SEMA7A: variants seen among roughly 807,000 people sequenced by gnomAD.
SEMA7A encodes the protein semaphorin 7A (JohnMiltonHagen blood group).
SEMA7A carries 21 observed loss-of-function variants against 67.5 expected under a neutral mutation model. The ratio of observed to expected loss-of-function variants is 0.31; its 90% CI spans 0.22 to 0.45. The LOEUF is 0.45. Among genes scored for constraint, SEMA7A ranks in the 20% least tolerant of loss-of-function variants. The pLI, the probability that SEMA7A is intolerant of heterozygous loss-of-function variation, is 1.00. For missense variants in SEMA7A, 774 were observed against 908.6 expected (o/e 0.85, Z 1.90); for synonymous variants, 364 against 368.5 (o/e 0.99, Z 0.14).
chr15:74,418,250 ACCCC>A lies in SEMA7A; in HGVS notation c.372+14_372+17del. 5 of 1,610,076 alleles carry A rather than the reference ACCCC, an allele frequency of 3.1e-6. No individual in the cohort carries two copies. The highest frequency in any genetic ancestry group is 4.2e-6 in the Non-Finnish European group (5 of 1,178,110). On this transcript the variant is annotated intron_variant, in intron 3 of 13. Transcript: ENST00000261918. Reference sequence around the variant, plus strand: ...TACCAAGTGGCTCAGACCCCTCCATACCCCCTCCCCCACTCACCCGCTTATCCAG... The same window carrying A: ...TACCAAGTGGCTCAGACCCCTCCATACTCCCCCACTCACCCGCTTATCCAG...
intron 1 of SEMA7A, among the ~76,000 whole-genome samples, chr15:74,419,216 C>T (rs1423308809): frequency 2.6e-5 from 4 of 152,202 alleles, no homozygotes; most frequent in Non-Finnish European, 5.9e-5. Flanking sequence ...CCTTCCTTCA[C>T]AGTATGTGTG....
intron 6 of SEMA7A, 53 bp from the exon 7 acceptor site, chr15:74,416,767 C>T (rs186883679): frequency 6.3e-7 from 1 of 1,588,048 alleles, no homozygotes; most frequent in East Asian, 2.2e-5. Flanking sequence ...GCCCGGGAGA[C>T]CATCCCAACC....
At chr15:74,417,786 G>A in intron 4 of SEMA7A, 91 bp downstream of exon 4, 1 of 1,547,616 alleles carries the variant, frequency 6.5e-7, no homozygotes, top group South Asian at 1.1e-5. Flanking sequence ...GGCCAGCATT[G>A]GAGTCTCGCC....
rs974356410 is a variant in SEMA7A at position 74,421,146 on chromosome 15, T to C, written c.179-2194A>G. ...AGGAAAACAGTCCTGCCCTGGGGAG[T>C]CGAGCCTGATGGCAGAGACATGACT... On this transcript the variant is annotated intron_variant, in intron 1 of 13. Coordinates refer to ENST00000261918, the MANE Select transcript of SEMA7A (RefSeq NM_003612.5). 6.6e-5 allele frequency among the ~76,000 whole-genome samples: 10 copies of C among 151,892 alleles called. No individual in the cohort carries two copies. The East Asian group carries it at 1.7e-3, about 27-fold the overall frequency.
chr15:74,417,781 G>C (rs535164102), intron 4 of SEMA7A, 96 bp downstream of exon 4: 8 of 1,546,184 alleles, frequency 5.2e-6, no homozygotes, highest in Non-Finnish European at 7.1e-6. Flanking sequence ...GGCAAGGCCA[G>C]CATTGGAGTC....
At position 74,418,894 on chromosome 15, in the gene SEMA7A, G is replaced by A; in HGVS notation, c.237C>T (p.Phe79=). ...FGQTEPHTVL[F]HEPGSSSVWV... ...ACACAGAGGAGCTGCCTGGCTCGTG[G>A]AAAAGCACCGTGTGCGGCTCAGTCT... The change falls in exon 2 of 14, where the codon TTC becomes TTT. Residue 79 remains phenylalanine, a synonymous_variant. Transcript: ENST00000261918. 1 of 1,613,844 alleles carries A rather than the reference G, an allele frequency of 6.2e-7. No homozygotes were observed. The highest frequency in any genetic ancestry group is 8.5e-7 in the Non-Finnish European group (1 of 1,180,020).
In SEMA7A at chr15:74,423,131, C is replaced by T. The variant is rs565058475; in HGVS notation, c.179-4179G>A. Among the ~76,000 whole-genome samples, 2 of 152,220 alleles carry T rather than the reference C, an allele frequency of 1.3e-5. No individual in the cohort carries two copies. The highest frequency in any genetic ancestry group is 2.9e-5 in the Non-Finnish European group (2 of 68,040). ...TGCCTAAGTCAGGCAGTCAGAGAGG[C>T]CCCGGGCCAAAGAGCAGAAAGCAGG... On this transcript the variant is annotated intron_variant, in intron 1 of 13. Transcript: ENST00000261918. This position sits in a 1 kb window ranked among gnomAD's most constrained non-coding sequence, Gnocchi z 4.1.
chr15:74,411,925 C>T lies in SEMA7A; in HGVS notation c.1382G>A (p.Arg461His), dbSNP rs376631054. ...FNIMEIQPFR[R>H]AAAIQTMSLD... ...CGACATGGTCTGGATGGCAGCCGCGCGGCGGAAGGGCTGGATCTCCATGAT... is the reference window on the plus strand; with the variant it reads ...CGACATGGTCTGGATGGCAGCCGCGTGGCGGAAGGGCTGGATCTCCATGAT... Residue 461 changes from arginine to histidine, a missense_variant, in exon 11 of 14, where the codon CGC (arginine) becomes CAC (histidine). Coordinates refer to ENST00000261918, the MANE Select transcript of SEMA7A (RefSeq NM_003612.5). The surrounding 1 kb of genome is among the most constrained non-coding windows in gnomAD (Gnocchi z 4.4). 57 of 1,613,900 alleles carry T rather than the reference C, an allele frequency of 3.5e-5. No homozygotes were observed. Among genetic ancestry groups the T allele is most frequent in the East Asian group, 4.5e-5 (2 of 44,900 alleles).
chr15:74,418,994 C>T (rs531508997), intron 1 of SEMA7A, 42 bp from the exon 2 acceptor site: 24 of 1,598,202 alleles, frequency 1.5e-5, no homozygotes, highest in South Asian at 2.2e-5. Context: ...AGCCAGGTCC[C>T]GAGAGAGAAG....
Position 74,417,372 on chromosome 15 carries a change from G to C in SEMA7A, c.624C>G (p.Gly208=), listed in dbSNP as rs369347333. ...GKIPRFRRIR[G]ESELYTSDTV... is the part of the protein sequence containing the mutation. ...TATCACTGGTGTACAGCTCACTCTCGCCCCGGATGCGGCGGAACCGAGGGA... is the reference window on the plus strand; with the variant it reads ...TATCACTGGTGTACAGCTCACTCTCCCCCCGGATGCGGCGGAACCGAGGGA... The change falls in exon 6 of 14, where the codon GGC becomes GGG. Residue 208 remains glycine (G), a synonymous_variant. Coordinates refer to ENST00000261918, the MANE Select transcript of SEMA7A (RefSeq NM_003612.5). 9.3e-6 allele frequency: 15 copies of C among 1,613,848 alleles called. No individual in the cohort carries two copies. In the African/African-American group the frequency reaches 1.6e-4, roughly 17 times the overall value.
rs190892291 is a variant in SEMA7A, at chr15:74,414,894, G to A, written c.1039C>T (p.Arg347Cys). 3.3e-5 allele frequency: 54 copies of A among 1,614,182 alleles called. No homozygotes were observed. In the East Asian group the frequency reaches 8.0e-4, roughly 24 times the overall value. The change falls in exon 9 of 14, where the codon CGT becomes TGT. Residue 347 changes from arginine to cysteine, a missense_variant. This residue lies in a region of SEMA7A where 427 missense variants were observed against 555.4 expected (regional missense o/e 0.77). Transcript: ENST00000261918. This position sits in a 1 kb window ranked among gnomAD's most constrained non-coding sequence, Gnocchi z 4.1. ...TGGTAGCCCTTGAGTGAGGAGGTAC[G>A]GAAGACCTTGTCAATGTCACCGAGG... ...YSLGDIDKVF[R>C]TSSLKGYHSS...
At chr15:74,421,435 T>C (rs949430203) in intron 1 of SEMA7A, among the ~76,000 whole-genome samples, 1 of 152,154 alleles carries the variant, frequency 6.6e-6, no homozygotes, top group Middle Eastern at 3.2e-3. Flanking sequence ...CTTCAAACCC[T>C]AGCCACAATG....
At position 74,411,833 on chromosome 15, in the gene SEMA7A, C is replaced by G; in HGVS notation, c.1422+52G>C. ...CAAATCACATGCAAAGGAGCCCTGTCCTCAGCTGCAGTCACTGCATAGCCC... is the reference window on the plus strand; with the variant it reads ...CAAATCACATGCAAAGGAGCCCTGTGCTCAGCTGCAGTCACTGCATAGCCC... On this transcript the variant is annotated intron_variant, in intron 11 of 13. Transcript: ENST00000261918. This position sits in a 1 kb window ranked among gnomAD's most constrained non-coding sequence, Gnocchi z 4.4. The G allele has an allele frequency of 6.2e-7, 1 of 1,608,878 alleles. No individual in the cohort carries two copies. Among genetic ancestry groups the G allele is most frequent in the Non-Finnish European group, 8.5e-7 (1 of 1,177,788 alleles).
rs1269810629 is a variant in SEMA7A, at chr15:74,423,434, C to T, written c.179-4482G>A. Reference sequence around the variant, plus strand: ...AGAGGCTGTACCACCGGCCCAAGGACACAGAGCGAGGGAAGCTCCAAGTTT... The same window carrying T: ...AGAGGCTGTACCACCGGCCCAAGGATACAGAGCGAGGGAAGCTCCAAGTTT... On this transcript the variant is annotated intron_variant, in intron 1 of 13. Transcript: ENST00000261918. The surrounding 1 kb of genome is among the most constrained non-coding windows in gnomAD (Gnocchi z 4.1). 1.3e-5 allele frequency among the ~76,000 whole-genome samples: 2 copies of T among 152,170 alleles called. No individual in the cohort carries two copies. Among genetic ancestry groups the T allele is most frequent in the Admixed American group, 1.3e-4 (2 of 15,284 alleles).
intron 1 of SEMA7A, among the ~76,000 whole-genome samples, chr15:74,421,698 C>T (rs139022402): frequency 2.0e-5 from 3 of 152,176 alleles, no homozygotes; most frequent in African/African-American, 7.2e-5. Context: ...CGGGAAGTGT[C>T]GAGCAGCAGC....
At position 74,411,978 on chromosome 15, in the gene SEMA7A, C is replaced by T; in HGVS notation, c.1329G>A (p.Gly443=). Residue 443 remains glycine, a synonymous_variant, in exon 11 of 14, where the codon GGG becomes GGA. Transcript: ENST00000261918. The surrounding 1 kb of genome is among the most constrained non-coding windows in gnomAD (Gnocchi z 4.4). ...RGTIHKVVEP[G]EQEHSFAFNI... The stretch of plus-strand genomic sequence containing the variant: ...TGAAGGCGAAGCTGTGCTCCTGCTC[C>T]CCCGGTTCCACCACCTTGTGGATAG... 1 of 1,614,026 alleles carries T rather than the reference C, an allele frequency of 6.2e-7. No individual in the cohort carries two copies. The highest frequency in any genetic ancestry group is 8.5e-7 in the Non-Finnish European group (1 of 1,180,032).
intron 1 of SEMA7A, among the ~76,000 whole-genome samples, chr15:74,426,613 A>G (rs1214137009): frequency 6.6e-6 from 1 of 152,224 alleles, no homozygotes; most frequent in Non-Finnish European, 1.5e-5. Context: ...CGCTCAGAAC[A>G]TAAAGTACTC....
chr15:74,419,009 T>C lies in SEMA7A; in HGVS notation c.179-57A>G, dbSNP rs941089344. 8 of 1,575,192 alleles carry C rather than the reference T, an allele frequency of 5.1e-6. No homozygotes were observed. The African/African-American group carries it at 1.1e-4, about 21-fold the overall frequency. ...AGCCAGGTCCCGAGAGAGAAGACTC[T>C]GGGTCCCCTCCACATGGCACACTGG... On this transcript the variant is annotated intron_variant, in intron 1 of 13. Transcript: ENST00000261918.
In SEMA7A at chr15:74,410,886, T is replaced by C. The variant is rs561825331; in HGVS notation, c.1739A>G (p.Lys580Arg). The C allele has an allele frequency of 1.9e-6, 3 of 1,614,156 alleles. No individual in the cohort carries two copies. Among genetic ancestry groups the C allele is most frequent in the East Asian group, 2.2e-5 (1 of 44,878 alleles). The change falls in exon 14 of 14, where the codon AAG becomes AGG. Residue 580 changes from lysine (K) to arginine (R), a missense_variant. By Grantham distance (26) the Lys-to-Arg change is conservative. Around this residue, in one of 2 missense-constraint regions of SEMA7A, gnomAD observed 427 missense variants for 555.4 expected, o/e 0.77. Transcript: ENST00000261918. This position sits in a 1 kb window ranked among gnomAD's most constrained non-coding sequence, Gnocchi z 7.5. The stretch of plus-strand genomic sequence containing the variant: ...TTCGCAGCTCTGCTCCACGTTCTCC[T>C]TGTGGCGCCATGAGTAGGTGGCGTG... ...SRHATYSWRHKENVEQSCEPG... is the reference protein window; with the variant it reads ...SRHATYSWRHRENVEQSCEPG...
Sources: gnomAD v4.1 joint callset for allele counts (sites outside exome capture counted in the v4.1 genomes callset) on GRCh38, gnomAD v4.1.1 for gene constraint, gnomAD v4.1.1 regional missense constraint, Gnocchi (gnomAD v3.1) non-coding constraint, MANE v1.5 for transcripts, NCBI Gene and HGNC (gene_info 2026-07-23, HGNC 2026-07-21) for gene names.